The following HEATR3 variants were observed in gnomAD, a reference collection of about 807,000 sequenced individuals.
HEATR3 encodes HEAT repeat containing 3, also known as HEAT repeat-containing protein 3.
A neutral mutation model predicts 72.8 loss-of-function variants in HEATR3; 56 were observed. That is an observed-to-expected ratio of 0.77 (90% CI 0.62 to 0.96). The LOEUF is 0.96. Among genes scored for constraint, HEATR3 ranks in the 40% least tolerant of loss-of-function variants. The pLI, the probability that HEATR3 is intolerant of heterozygous loss-of-function variation, is 0.00. For missense variants in HEATR3, 747 were observed against 831.4 expected, an observed-to-expected ratio of 0.90 and a Z score of 1.25; for synonymous variants, 331 against 318.1, an observed-to-expected ratio of 1.04 and a Z score of -0.43.
chr16:50,100,457 T>C, intron 13 of HEATR3, 84 bp downstream of exon 13: 1 of 1,373,554 alleles, frequency 7.3e-7, no homozygotes, highest in Non-Finnish European at 1.0e-6. Context: ...TTAAAACTTG[T>C]GTGGACTTGA....
intron 6 of HEATR3, among the ~76,000 whole-genome samples, chr16:50,078,153 A>C (rs2036782492): frequency 6.6e-6 from 1 of 152,166 alleles, no homozygotes; most frequent in Non-Finnish European, 1.5e-5. Flanking sequence ...TTGGGATTAC[A>C]GGGTGAGACA....
chr16:50,075,741 T>C (rs749037284), intron 6 of HEATR3, 30 bp downstream of exon 6: 1 of 1,590,872 alleles, frequency 6.3e-7, no homozygotes, highest in Admixed American at 1.7e-5. Flanking sequence ...CATAGTATAT[T>C]GTTTCAGTAG....
intron 12 of HEATR3, chr16:50,098,124 T>TA (rs1211173260): frequency 1.3e-5 from 2 of 152,110 alleles, no homozygotes; most frequent in Admixed American, 6.6e-5. Context: ...CCAGTTTAAA[T>TA]AAAAAATGGT....
In HEATR3 at chr16:50,066,472, C is replaced by G; in HGVS notation, c.244C>G (p.Arg82Gly). ...LPGLARRDAV[R>G]RLGPLLLDPS... is the part of the protein sequence containing the mutation. ...GGGCCTGGCGCGACGAGACGCCGTG[C>G]GCCGCCTCGGGCCGCTGCTGCTAGA... The change falls in exon 2 of 15, where the codon CGC (arginine) becomes GGC (glycine). Residue 82 changes from arginine (R) to glycine (G), a missense_variant. Physicochemically the swap from Arg to Gly is moderately radical, Grantham distance 125. This residue lies in a region of HEATR3 where 161 missense variants were observed against 122.6 expected (regional missense o/e 1.31). Transcript: ENST00000299192. 1 of 1,353,222 alleles carries G rather than the reference C, an allele frequency of 7.4e-7. No individual in the cohort carries two copies. Among genetic ancestry groups the G allele is most frequent in the Non-Finnish European group, 9.4e-7 (1 of 1,060,262 alleles). 83.8% of individuals were successfully genotyped at this position (1,353,222 alleles called of 1,614,324 possible). A position where few individuals can be genotyped will look rare whatever the true frequency, so the allele number is the denominator to read the frequency against.
intron 6 of HEATR3, among the ~76,000 whole-genome samples, chr16:50,076,346 C>T (rs2036727589): frequency 1.3e-5 from 2 of 151,744 alleles, no homozygotes; most frequent in Admixed American, 6.6e-5. Flanking sequence ...CGCCACCACG[C>T]TCAGCTAATT....
chr16:50,087,495 T>C (rs561562911), intron 11 of HEATR3, among the ~76,000 whole-genome samples: 1 of 152,332 alleles, frequency 6.6e-6, no homozygotes, highest in South Asian at 2.1e-4. Flanking sequence ...AAATCTTACT[T>C]AATTTGACCA....
intron 11 of HEATR3, among the ~76,000 whole-genome samples, chr16:50,092,631 C>T (rs571202729): frequency 9.9e-5 from 15 of 151,416 alleles, no homozygotes; most frequent in African/African-American, 2.4e-4. Flanking sequence ...TTAGTAGAGA[C>T]GGGGTTTCAC....
intron 11 of HEATR3, 112 bp from the exon 12 acceptor site, chr16:50,094,590 GTTT>G: frequency 1.8e-6 from 1 of 571,368 alleles, no homozygotes; most frequent in Non-Finnish European, 3.0e-6. Context: ...TTGTTTGTTT[GTTT>G]TATTAAGAAT....
At chr16:50,095,448 C>T (rs528459730) in intron 12 of HEATR3, among the ~76,000 whole-genome samples, 1 of 147,840 alleles carries the variant, frequency 6.8e-6, no homozygotes, top group Non-Finnish European at 1.5e-5. Context: ...ACAGACTTTG[C>T]AAGCATGCCC....
At chr16:50,079,746 C>T (rs1229240788) in intron 7 of HEATR3, among the ~76,000 whole-genome samples, 1 of 152,136 alleles carries the variant, frequency 6.6e-6, no homozygotes, top group Admixed American at 6.5e-5. Flanking sequence ...CTAATGTATG[C>T]CAGGCACTGT....
chr16:50,065,986 G>A lies in HEATR3; in HGVS notation c.-146G>A, dbSNP rs2036475380. On this transcript the variant is annotated 5_prime_UTR_variant, in exon 1 of 15. Coordinates refer to ENST00000299192, the MANE Select transcript of HEATR3 (RefSeq NM_182922.4). ...CGACCCGGCAGACGACGCGCCGTGC[G>A]CCTGCGCACGGCTTGCCCATGTGTG... 2 of 465,942 alleles carry A rather than the reference G, an allele frequency of 4.3e-6. No individual in the cohort carries two copies. Among genetic ancestry groups the A allele is most frequent in the African/African-American group, 2.3e-5 (1 of 44,434 alleles). The allele number at this position is 465,942 out of a possible 1,614,324, so 28.9% of individuals were successfully genotyped here. A position where few individuals can be genotyped will look rare whatever the true frequency, so the allele number is the denominator to read the frequency against.
Position 50,094,216 on chromosome 16 carries a change from A to T in HEATR3, c.1511-489A>T, listed in dbSNP as rs555161232. Among the ~76,000 whole-genome samples, 3 of 152,330 alleles carry T rather than the reference A, an allele frequency of 2.0e-5. No individual in the cohort carries two copies. The East Asian group carries it at 5.8e-4, about 29-fold the overall frequency. ...GTGCGAATAAGGAGTAGGAGTGGGAAGGGGATGCTGGGTCAGTTAAAGTGA... is the reference window on the plus strand; with the variant it reads ...GTGCGAATAAGGAGTAGGAGTGGGATGGGGATGCTGGGTCAGTTAAAGTGA... On this transcript the variant is annotated intron_variant, in intron 11 of 14. Transcript: ENST00000299192.
At chr16:50,066,720 A>C in intron 2 of HEATR3, 181 bp downstream of exon 2, 55 of 511,950 alleles carry the variant, frequency 1.1e-4, no homozygotes, top group Non-Finnish European at 1.5e-4. Flanking sequence ...CCCGCATCTC[A>C]TCTGTCCACC....
chr16:50,066,381 C>T lies in HEATR3; in HGVS notation c.153C>T (p.Ser51=). ...AELLEKLQHP[S]AEVRECACAG... ...CTCATCCGCAGCTCCAGCACCCGAG[C>T]GCCGAGGTCCGCGAGTGCGCCTGCG... The change falls in exon 2 of 15, where the codon AGC becomes AGT. Residue 51 remains serine, a synonymous_variant. Coordinates refer to ENST00000299192, the MANE Select transcript of HEATR3 (RefSeq NM_182922.4). The T allele has an allele frequency of 3.9e-6, 6 of 1,548,004 alleles. No individual in the cohort carries two copies. The South Asian group carries it at 7.0e-5, about 18-fold the overall frequency.
At chr16:50,100,532 T>G in intron 13 of HEATR3, 159 bp downstream of exon 13, 1 of 652,368 alleles carries the variant, frequency 1.5e-6, no homozygotes. Context: ...TTTGGCTTGA[T>G]CTAACTATGT....
At chr16:50,097,877 A>C (rs995986529) in intron 12 of HEATR3, among the ~76,000 whole-genome samples, 6 of 147,676 alleles carry the variant, frequency 4.1e-5, no homozygotes, top group Non-Finnish European at 8.9e-5. Context: ...ATTGCACTGC[A>C]CTCCAGCCTG....
At chr16:50,094,669 G>A in intron 11 of HEATR3, 36 bp from the exon 12 acceptor site, 3 of 1,301,272 alleles carry the variant, frequency 2.3e-6, no homozygotes, top group Non-Finnish European at 3.2e-6. Context: ...CTATCTTGGA[G>A]AAATGCAAAT....
intron 2 of HEATR3, chr16:50,066,944 T>C (rs755584451): frequency 5.4e-6 from 1 of 186,792 alleles, no homozygotes; most frequent in Non-Finnish European, 1.1e-5. Flanking sequence ...TTGGCACAAG[T>C]CATGTTGATG....
In HEATR3 at chr16:50,084,660, T is replaced by G. The variant is rs2036948847; in HGVS notation, c.1373+9T>G. The G allele has an allele frequency of 3.2e-6, 5 of 1,552,236 alleles. No individual in the cohort carries two copies. The highest frequency in any genetic ancestry group is 3.4e-4 in the Middle Eastern group (2 of 5,914). ...AAACCTTTGATTAGAAAGTAAGAAC[T>G]CTTCTGCTTTCAAAAACATTTGTCA... is the stretch of plus-strand genomic sequence containing the variant. On this transcript the variant is annotated intron_variant, in intron 10 of 14. Transcript: ENST00000299192.
Sources: allele counts gnomAD v4.1 joint callset (sites outside exome capture counted in the v4.1 genomes callset), GRCh38; gene constraint gnomAD v4.1.1; regional missense constraint gnomAD v4.1.1; transcripts MANE v1.5; gene names NCBI Gene and HGNC (gene_info 2026-07-23, HGNC 2026-07-21).